The following ACAD11 variants were observed in gnomAD, a reference collection of about 807,000 sequenced individuals.
ACAD11 encodes acyl-CoA dehydrogenase family member 11.
Under a neutral mutation model 102.2 loss-of-function variants are expected in ACAD11, and 83 were observed. That is an observed-to-expected ratio of 0.81 (90% confidence interval 0.68 to 0.97). ACAD11 has a LOEUF of 0.97. ACAD11 is among the 50% of genes least tolerant of loss of function. ACAD11 has a pLI of 0.00. For synonymous variants in ACAD11, 324 were observed against 319.8 expected (o/e 1.01, Z -0.14); for missense variants, 901 against 951.7 (o/e 0.95, Z 0.70).
At chr3:132,595,480 G>T (rs901661337) in intron 13 of ACAD11, among the ~76,000 whole-genome samples, 17 of 152,132 alleles carry the variant, frequency 1.1e-4, no homozygotes, top group African/African-American at 4.1e-4. Flanking sequence ...AAGAGCTTCT[G>T]CACAGCAAAA....
At chr3:132,560,330 C>T (rs1466762780) in intron 18 of ACAD11, among the ~76,000 whole-genome samples, 4 of 151,984 alleles carry the variant, frequency 2.6e-5, no homozygotes, top group African/African-American at 7.2e-5. Context: ...TTCATATAAT[C>T]CAGAAACATA....
chr3:132,589,167 G>C (rs1339132952), intron 13 of ACAD11, among the ~76,000 whole-genome samples: 1 of 152,184 alleles, frequency 6.6e-6, no homozygotes, highest in African/African-American at 2.4e-5. Context: ...CTTGTTCTTA[G>C]ACTTTTCAGC....
intron 7 of ACAD11, among the ~76,000 whole-genome samples, chr3:132,628,875 T>C (rs2107862372): frequency 6.6e-6 from 1 of 152,334 alleles, no homozygotes; most frequent in Admixed American, 6.5e-5. Context: ...TTTGGGTCCC[T>C]AATGCAGGTA....
chr3:132,631,522 A>G (rs759724959), intron 5 of ACAD11, 43 bp from the exon 6 acceptor site: 14 of 1,319,410 alleles, frequency 1.1e-5, no homozygotes, highest in Non-Finnish European at 1.4e-5. Flanking sequence ...TTAAAACTTA[A>G]AACAAGTATA....
In ACAD11 at chr3:132,578,784, T is replaced by C. The variant is rs1278601254; in HGVS notation, c.1774+12A>G. On this transcript the variant is annotated intron_variant, in intron 15 of 19. Transcript: ENST00000264990. ...GCTTGCTAATGCATGGTCATATTTA[T>C]TGGATACCTACCTGTGTAGCCAAAA... 1.2e-6 allele frequency: 2 copies of C among 1,611,364 alleles called. No homozygotes were observed. Among genetic ancestry groups the C allele is most frequent in the South Asian group, 1.1e-5 (1 of 90,476 alleles).
At position 132,581,543 on chromosome 3, in the gene ACAD11, A is replaced by G. The variant is rs182988460; in HGVS notation, c.1622-1985T>C. Among the ~76,000 whole-genome samples the G allele has an allele frequency of 1.4e-3, 220 of 152,122 alleles. 2 individuals carry two copies. The highest frequency in any genetic ancestry group is 4.6e-3 in the African/African-American group (193 of 41,572). Reference sequence around the variant, plus strand: ...CAAGAGAGAAGTCTCCAGGAAAGAAAGTCAATAGAAGTAAAGGTGCAATCT... The same window carrying G: ...CAAGAGAGAAGTCTCCAGGAAAGAAGGTCAATAGAAGTAAAGGTGCAATCT... On this transcript the variant is annotated intron_variant, in intron 13 of 19. Coordinates refer to ENST00000264990, the MANE Select transcript of ACAD11 (RefSeq NM_032169.5).
chr3:132,651,287 C>T (rs1940923017), intron 1 of ACAD11, among the ~76,000 whole-genome samples: 1 of 152,152 alleles, frequency 6.6e-6, no homozygotes, highest in Admixed American at 6.5e-5. Flanking sequence ...ACTCTCAGAT[C>T]ATTTCTCCTC....
chr3:132,612,507 A>G (rs1040556976), intron 11 of ACAD11, among the ~76,000 whole-genome samples: 1 of 152,036 alleles, frequency 6.6e-6, no homozygotes, highest in Non-Finnish European at 1.5e-5. Flanking sequence ...AGAATCTACA[A>G]TGAACTCAAA....
chr3:132,586,790 T>C lies in ACAD11; in HGVS notation c.1622-7232A>G, dbSNP rs563598159. Among the ~76,000 whole-genome samples, 7 of 152,354 alleles carry C rather than the reference T, an allele frequency of 4.6e-5. No individual in the cohort carries two copies. In the South Asian group the frequency reaches 1.2e-3, roughly 27 times the overall value. On this transcript the variant is annotated intron_variant, in intron 13 of 19. Coordinates refer to ENST00000264990, the MANE Select transcript of ACAD11 (RefSeq NM_032169.5). ...GTTTTTCAAGTAGAACATTTTATCA[T>C]GCATCAAAAAGTCTATAATAGGCTG... is the stretch of plus-strand genomic sequence containing the variant.
At chr3:132,620,737 A>C (rs1264624880) in intron 9 of ACAD11, among the ~76,000 whole-genome samples, 2 of 152,240 alleles carry the variant, frequency 1.3e-5, no homozygotes, top group Non-Finnish European at 2.9e-5. Flanking sequence ...TAGAGATGAA[A>C]CTTAAAAACT....
chr3:132,573,264 A>G (rs1424454232), intron 17 of ACAD11, among the ~76,000 whole-genome samples: 1 of 152,186 alleles, frequency 6.6e-6, no homozygotes, highest in Admixed American at 6.6e-5. Context: ...GATGTTCAAC[A>G]TGATAGCTAC....
rs1559967410 is a variant in ACAD11 at position 132,630,519 on chromosome 3, C to CGGCA, written c.877_880dup (p.Arg294LeufsTer7). On this transcript the variant is annotated frameshift_variant, in exon 7 of 20. Transcript: ENST00000264990. LOFTEE classifies it high-confidence loss of function. ...AAGAATAGAATTAATTCCCCTGCAG[C>CGGCA]GGCAATATATTGAAATCAGTTCTTC... 1 of 1,612,246 alleles carries CGGCA rather than the reference C, an allele frequency of 6.2e-7. No homozygotes were observed. The highest frequency in any genetic ancestry group is 8.5e-7 in the Non-Finnish European group (1 of 1,178,964).
chr3:132,617,140 A>G (rs1317713990), intron 11 of ACAD11, among the ~76,000 whole-genome samples: 1 of 152,118 alleles, frequency 6.6e-6, no homozygotes, highest in Non-Finnish European at 1.5e-5. Flanking sequence ...GCCATTGGAT[A>G]TTGTCCCATA....
chr3:132,639,231 T>A (rs1371536579), intron 5 of ACAD11, among the ~76,000 whole-genome samples: 1 of 152,222 alleles, frequency 6.6e-6, no homozygotes, highest in Admixed American at 6.5e-5. Flanking sequence ...AACAGCATCA[T>A]GCATGTAAAA....
rs1305858764 is a variant in ACAD11 at position 132,579,145 on chromosome 3, A to G, written c.1689-264T>C. 10 of 1,108,448 alleles carry G rather than the reference A, an allele frequency of 9.0e-6. No homozygotes were observed. The East Asian group carries it at 3.0e-4, about 34-fold the overall frequency. The allele number at this position is 1,108,448 out of a possible 1,614,324, so 68.7% of individuals were successfully genotyped here. A position where few individuals can be genotyped will look rare whatever the true frequency, so the allele number is the denominator to read the frequency against. On this transcript the variant is annotated intron_variant, in intron 14 of 19. Transcript: ENST00000264990. The stretch of plus-strand genomic sequence containing the variant: ...CAATGGTAACTGGGAACTTATATAT[A>G]TAATTAAACATTTCAAGATTATTGC...
chr3:132,569,649 C>A (rs1425452211), intron 17 of ACAD11, among the ~76,000 whole-genome samples: 1 of 152,024 alleles, frequency 6.6e-6, no homozygotes, highest in Non-Finnish European at 1.5e-5. Flanking sequence ...TAAAAATGAA[C>A]CAACTACTGA....
intron 13 of ACAD11, 121 bp downstream of exon 13, chr3:132,603,108 A>T: frequency 2.2e-6 from 2 of 897,970 alleles, no homozygotes; most frequent in Non-Finnish European, 3.5e-6. Context: ...TGGCCTACAC[A>T]TGCAGAATTT....
chr3:132,586,322 C>T (rs1322495760), intron 13 of ACAD11, among the ~76,000 whole-genome samples: 1 of 152,074 alleles, frequency 6.6e-6, no homozygotes, highest in African/African-American at 2.4e-5. Flanking sequence ...AGGGGAACAT[C>T]ACACACCAGA....
chr3:132,654,407 A>C (rs1003613296), intron 1 of ACAD11: 1 of 152,260 alleles, frequency 6.6e-6, no homozygotes, highest in African/African-American at 2.4e-5. Context: ...CAGTGAAATC[A>C]CTGACCACTC....
Sources: allele counts gnomAD v4.1 joint callset (sites outside exome capture counted in the v4.1 genomes callset), GRCh38; gene constraint gnomAD v4.1.1; transcripts MANE v1.5; gene names NCBI Gene and HGNC (gene_info 2026-07-23, HGNC 2026-07-21).